Variants in TLE4 observed in about 807,000 individuals in gnomAD.
The protein encoded by TLE4 is transducin-like enhancer protein 4.
TLE4 carries 8 observed loss-of-function variants against 92.8 expected under a neutral mutation model. The ratio of observed to expected loss-of-function variants is 0.09; its 90% CI spans 0.05 to 0.16. The LOEUF is 0.16. TLE4 is among the 10% of genes least tolerant of loss of function. The pLI is 1.00. For missense variants in TLE4, 675 were observed against 997.6 expected (o/e 0.68, Z 4.36); for synonymous variants, 371 against 374.1 (o/e 0.99, Z 0.10).
intron 4 of TLE4, among the ~76,000 whole-genome samples, chr9:79,604,125 G>A (rs1214711798): frequency 6.6e-6 from 1 of 152,130 alleles, no homozygotes; most frequent in Non-Finnish European, 1.5e-5. Context: ...GGAGGAGGAC[G>A]AGTAATTGAG....
intron 4 of TLE4, among the ~76,000 whole-genome samples, chr9:79,607,626 G>A (rs1307850452): frequency 1.3e-5 from 2 of 151,964 alleles, no homozygotes; most frequent in East Asian, 1.9e-4. Flanking sequence ...TTATTAAATG[G>A]GGAATCCTTT....
intron 8 of TLE4, among the ~76,000 whole-genome samples, chr9:79,676,584 G>T (rs1273140446): frequency 2.0e-5 from 3 of 152,148 alleles, no homozygotes; most frequent in African/African-American, 7.2e-5. Flanking sequence ...TATGCAAGTG[G>T]TATTGTATTT....
intron 4 of TLE4, among the ~76,000 whole-genome samples, chr9:79,586,661 T>A (rs1037105424): frequency 6.6e-6 from 1 of 152,188 alleles, no homozygotes; most frequent in African/African-American, 2.4e-5. Context: ...TCATTGTAAA[T>A]AAATGACTTA....
At chr9:79,611,423 A>T (rs1395406548) in intron 4 of TLE4, among the ~76,000 whole-genome samples, 1 of 152,074 alleles carries the variant, frequency 6.6e-6, no homozygotes, top group Non-Finnish European at 1.5e-5. Flanking sequence ...AAAGTTTTTA[A>T]GGTGCTGGCA....
At chr9:79,609,058 G>A (rs140241849) in intron 4 of TLE4, among the ~76,000 whole-genome samples, 75 of 152,160 alleles carry the variant, frequency 4.9e-4, no homozygotes, top group Middle Eastern at 3.4e-3. Flanking sequence ...TATTGTGTGC[G>A]TTAGTATTTG....
At chr9:79,688,047 A>G (rs1029380505) in intron 8 of TLE4, among the ~76,000 whole-genome samples, 3 of 151,450 alleles carry the variant, frequency 2.0e-5, no homozygotes, top group Admixed American at 2.0e-4. Flanking sequence ...CCTAAAGATG[A>G]GAACTTCCTT....
chr9:79,699,491 AC>A (rs2069177518), intron 8 of TLE4, among the ~76,000 whole-genome samples: 1 of 152,126 alleles, frequency 6.6e-6, no homozygotes, highest in Admixed American at 6.5e-5. Flanking sequence ...GAAAGGGCAA[AC>A]CAGGACTTGC....
At position 79,572,019 on chromosome 9, in the gene TLE4, T is replaced by G. The variant is rs1315250076; in HGVS notation, c.-772T>G. Reference sequence around the variant, plus strand: ...GGTGTTTGGGTTGTTGGCTGCTTTCTTCCCCCTTTCTCACACACTTGTATA... The same window carrying G: ...GGTGTTTGGGTTGTTGGCTGCTTTCGTCCCCCTTTCTCACACACTTGTATA... On this transcript the variant is annotated 5_prime_UTR_variant, in exon 1 of 20. Coordinates refer to ENST00000376552, the MANE Select transcript of TLE4 (RefSeq NM_007005.6). 1 of 152,226 alleles carries G rather than the reference T, an allele frequency of 6.6e-6. No individual in the cohort carries two copies. Among genetic ancestry groups the G allele is most frequent in the African/African-American group, 2.4e-5 (1 of 41,422 alleles). The allele number at this position is 152,226 out of a possible 1,614,324, so 9.4% of individuals were successfully genotyped here. A position where few individuals can be genotyped will look rare whatever the true frequency, so the allele number is the denominator to read the frequency against.
rs1282167444 is a variant in TLE4 at position 79,654,459 on chromosome 9, C to CCAACCTA, written c.609+388_609+394dup. Among the ~76,000 whole-genome samples, 4 of 151,122 alleles carry CCAACCTA rather than the reference C, an allele frequency of 2.6e-5. No individual in the cohort carries two copies. The East Asian group carries it at 7.8e-4, about 29-fold the overall frequency. On this transcript the variant is annotated intron_variant, in intron 8 of 19. Coordinates refer to ENST00000376552, the MANE Select transcript of TLE4 (RefSeq NM_007005.6). Reference sequence around the variant, plus strand: ...TAGTTTCATATTTGAGGAAACAGCTCCAACCTACAAAAATATTTGTTTAAG... The same window carrying CCAACCTA: ...TAGTTTCATATTTGAGGAAACAGCTCCAACCTACAACCTACAAAAATATTTGTTTAAG...
intron 4 of TLE4, among the ~76,000 whole-genome samples, chr9:79,578,637 A>G (rs2038709149): frequency 6.6e-6 from 1 of 152,210 alleles, no homozygotes; most frequent in African/African-American, 2.4e-5. Flanking sequence ...CTATAAAATG[A>G]AACCTATGGG....
At chr9:79,619,323 G>C (rs945633488) in intron 5 of TLE4, among the ~76,000 whole-genome samples, 9 of 152,050 alleles carry the variant, frequency 5.9e-5, no homozygotes, top group African/African-American at 2.2e-4. Context: ...CTGTTTACTT[G>C]GGCATCTCGG....
Position 79,573,736 on chromosome 9 carries a change from C to G in TLE4, c.93C>G (p.Ser31=), listed in dbSNP as rs373530695. Residue 31 remains serine (S), a synonymous_variant, in exon 2 of 20, where the codon TCC becomes TCG. Transcript: ENST00000376552. ...CCTTTAAATTTACAATTTCCGAATC[C>G]TGTGATCGGATTAAGGAAGAGTTTC... ...AQPFKFTISE[S]CDRIKEEFQF... 6.2e-7 allele frequency: 1 copy of G among 1,607,338 alleles called. No individual in the cohort carries two copies. Among genetic ancestry groups the G allele is most frequent in the East Asian group, 2.2e-5 (1 of 44,708 alleles).
At chr9:79,722,723 C>T in intron 18 of TLE4, 122 bp downstream of exon 18, 1 of 1,229,280 alleles carries the variant, frequency 8.1e-7, no homozygotes, top group East Asian at 2.4e-5. Context: ...AATTCTATTA[C>T]TTCCTGATAC....
At position 79,704,897 on chromosome 9, in the gene TLE4, C is replaced by G. The variant is rs767747022; in HGVS notation, c.724C>G (p.Arg242Gly). The G allele has an allele frequency of 6.2e-7, 1 of 1,613,892 alleles. No individual in the cohort carries two copies. The highest frequency in any genetic ancestry group is 1.7e-5 in the Admixed American group (1 of 59,972). The change falls in exon 9 of 20, where the codon CGT becomes GGT. Residue 242 changes from arginine to glycine, a missense_variant. Arg to Gly is a moderately radical substitution (Grantham distance 125). Around this residue, in one of 5 missense-constraint regions of TLE4, gnomAD observed 280 missense variants for 287.3 expected, o/e 0.97. Transcript: ENST00000376552. ...AACTGAAGAAAAGGAAATTGCAGCT[C>G]GTTATGTAAGTTCATTCACCTTTGT... ...QKTEEKEIAA[R>G]YDSDGEKSDD...
At chr9:79,658,163 A>G (rs1458024126) in intron 8 of TLE4, among the ~76,000 whole-genome samples, 2 of 152,318 alleles carry the variant, frequency 1.3e-5, no homozygotes, top group Non-Finnish European at 2.9e-5. Context: ...TGACTTGTGC[A>G]GTGCCAAATT....
At chr9:79,583,141 T>C (rs926138968) in intron 4 of TLE4, among the ~76,000 whole-genome samples, 1 of 152,168 alleles carries the variant, frequency 6.6e-6, no homozygotes, top group Non-Finnish European at 1.5e-5. Flanking sequence ...CACAAATCTA[T>C]ATACCCTCTC....
At chr9:79,690,779 C>CGCTTTTTT in intron 8 of TLE4, among the ~76,000 whole-genome samples, 1 of 54,164 alleles carries the variant, frequency 1.8e-5, no homozygotes, top group South Asian at 1.2e-3. Context: ...CCACTCCTGG[C>CGCTTTTTT]TTTTTTTTTT....
chr9:79,653,008 G>A, intron 7 of TLE4: 1 of 647,344 alleles, frequency 1.5e-6, no homozygotes, highest in East Asian at 3.0e-5. Flanking sequence ...AGGCAGAGGG[G>A]CCTATTTCTG....
At chr9:79,631,368 ATC>A (rs1440050205) in intron 6 of TLE4, among the ~76,000 whole-genome samples, 2 of 152,194 alleles carry the variant, frequency 1.3e-5, no homozygotes, top group African/African-American at 4.8e-5. Context: ...GTGGATTTAA[ATC>A]TCTTTCCTCT....
Sources: allele counts gnomAD v4.1 joint callset (sites outside exome capture counted in the v4.1 genomes callset), GRCh38; gene constraint gnomAD v4.1.1; regional missense constraint gnomAD v4.1.1; transcripts MANE v1.5; gene names NCBI Gene and HGNC (gene_info 2026-07-23, HGNC 2026-07-21).